PDE12: variants seen among roughly 807,000 people sequenced by gnomAD.
PDE12 encodes phosphodiesterase 12, also known as 2',5'-phosphodiesterase 12.
PDE12 carries 26 observed loss-of-function variants against 45.4 expected under a neutral mutation model. The ratio of observed to expected loss-of-function variants is 0.57; its 90% CI spans 0.42 to 0.79. The LOEUF is 0.79. PDE12 is among the 30% of genes least tolerant of loss of function. The probability of loss-of-function intolerance (pLI) is 0.00; values close to 1 mark genes in which losing one functional copy is unlikely to be tolerated. For synonymous variants in PDE12, 283 were observed against 323.9 expected (o/e 0.87, Z 1.36); for missense variants, 668 against 790.0 (o/e 0.85, Z 1.85).
chr3:57,622,722 A>G, the PDE12 span, among the ~76,000 whole-genome samples: 1 of 152,188 alleles, frequency 6.6e-6, no homozygotes, highest in African/African-American at 2.4e-5. Flanking sequence ...AATGTGTTAT[A>G]CCCATATAAC....
At chr3:57,588,594 C>T in the PDE12 span, among the ~76,000 whole-genome samples, 1 of 148,824 alleles carries the variant, frequency 6.7e-6, no homozygotes, top group Non-Finnish European at 1.5e-5. Flanking sequence ...TGGCTCACAC[C>T]TGTAATCCCA....
chr3:57,642,666 A>G, the PDE12 span, among the ~76,000 whole-genome samples: 1 of 152,116 alleles, frequency 6.6e-6, no homozygotes, highest in Non-Finnish European at 1.5e-5. Flanking sequence ...AAACTACCAG[A>G]TAACCAAGTG....
At position 57,559,560 on chromosome 3, in the gene PDE12, A is replaced by C. The variant is rs776397991; in HGVS notation, c.1388-2A>C. On this transcript the variant is annotated splice_acceptor_variant, in intron 2 of 2. Coordinates refer to ENST00000311180, the MANE Select transcript of PDE12 (RefSeq NM_177966.7). LOFTEE classifies it high-confidence loss of function. The stretch of plus-strand genomic sequence containing the variant: ...TTACATTAATGTTTTTTATATTCAT[A>C]GGTGGGTATATTCGCCTCATTCAAA... The C allele has an allele frequency of 1.3e-6, 2 of 1,595,368 alleles. No homozygotes were observed. Among genetic ancestry groups the C allele is most frequent in the Non-Finnish European group, 1.7e-6 (2 of 1,170,222 alleles).
In PDE12 at chr3:57,562,091, T is replaced by G. The variant is rs2069734400; in HGVS notation, c.*2087T>G. On this transcript the variant is annotated 3_prime_UTR_variant, in exon 3 of 3. Coordinates refer to ENST00000311180, the MANE Select transcript of PDE12 (RefSeq NM_177966.7). ...TTTAAAAATATGTTTTTGGGCTGTTTTCAAAGAAAGATGTTGATAGAACCC... is the reference window on the plus strand; with the variant it reads ...TTTAAAAATATGTTTTTGGGCTGTTGTCAAAGAAAGATGTTGATAGAACCC... 1 of 982,680 alleles carries G rather than the reference T, an allele frequency of 1.0e-6. No homozygotes were observed. Among genetic ancestry groups the G allele is most frequent in the Admixed American group, 6.2e-5 (1 of 16,238 alleles). 60.9% of individuals were successfully genotyped at this position (982,680 alleles called of 1,614,324 possible). A position where few individuals can be genotyped will look rare whatever the true frequency, so the allele number is the denominator to read the frequency against.
At chr3:57,557,764 TA>T (rs2069683162) in intron 1 of PDE12, 77 bp downstream of exon 1, 2 of 1,298,084 alleles carry the variant, frequency 1.5e-6, no homozygotes, top group Non-Finnish European at 2.2e-6. Context: ...AGGTGGGGGT[TA>T]AAAGTGCGAT....
the PDE12 span, among the ~76,000 whole-genome samples, chr3:57,620,090 C>T: frequency 1.2e-4 from 18 of 151,656 alleles, no homozygotes; most frequent in East Asian, 5.8e-4. Context: ...GGCGCAGTGG[C>T]GGGCGCCTGT....
At chr3:57,638,482 TC>T in the PDE12 span, among the ~76,000 whole-genome samples, 1 of 151,038 alleles carries the variant, frequency 6.6e-6, no homozygotes, top group South Asian at 2.1e-4. Flanking sequence ...ACATGGTGAA[TC>T]CCTGTCTCTA....
At chr3:57,622,198 C>G in the PDE12 span, among the ~76,000 whole-genome samples, 2 of 152,050 alleles carry the variant, frequency 1.3e-5, no homozygotes, top group East Asian at 3.9e-4. Flanking sequence ...AAACCAAAAC[C>G]AAAACAAACA....
At chr3:57,632,001 C>T in the PDE12 span, among the ~76,000 whole-genome samples, 1 of 139,582 alleles carries the variant, frequency 7.2e-6, no homozygotes, top group South Asian at 2.3e-4. Context: ...GGATTACAGG[C>T]GTGAGCCACC....
At chr3:57,641,640 G>C in the PDE12 span, 1 of 1,603,150 alleles carries the variant, frequency 6.2e-7, no homozygotes. Flanking sequence ...AGAACACCAA[G>C]TTTATACTTT....
Position 57,560,287 on chromosome 3 carries a change from A to T in PDE12, c.*283A>T. 8.5e-7 allele frequency: 1 copy of T among 1,174,910 alleles called. No homozygotes were observed. Among genetic ancestry groups the T allele is most frequent in the Non-Finnish European group, 1.1e-6 (1 of 949,330 alleles). 72.8% of individuals were successfully genotyped at this position (1,174,910 alleles called of 1,614,324 possible). A position where few individuals can be genotyped will look rare whatever the true frequency, so the allele number is the denominator to read the frequency against. ...CCAAATTGAGACTCTCAGAAAAGGA[A>T]GATTGAATTAGCGTGTTTTTTGTTT... is the stretch of plus-strand genomic sequence containing the variant. On this transcript the variant is annotated 3_prime_UTR_variant, in exon 3 of 3. Transcript: ENST00000311180.
At chr3:57,584,164 T>C in the PDE12 span, 2 of 698,890 alleles carry the variant, frequency 2.9e-6, no homozygotes, top group Non-Finnish European at 4.8e-6. Flanking sequence ...GGCCTCATTA[T>C]GTTATGCAGG....
At chr3:57,604,626 TGG>T in the PDE12 span, among the ~76,000 whole-genome samples, 3 of 32,020 alleles carry the variant, frequency 9.4e-5, no homozygotes, top group Admixed American at 6.6e-4. Flanking sequence ...TTGGGGGGGG[TGG>T]GTGGGACAGA....
At chr3:57,595,556 A>T in the PDE12 span, among the ~76,000 whole-genome samples, 2 of 152,236 alleles carry the variant, frequency 1.3e-5, no homozygotes, top group African/African-American at 2.4e-5. Flanking sequence ...CGCTAAGAGG[A>T]AAATAAACAT....
At chr3:57,592,999 G>A in the PDE12 span, among the ~76,000 whole-genome samples, 5 of 152,132 alleles carry the variant, frequency 3.3e-5, no homozygotes, top group African/African-American at 1.2e-4. Context: ...GAGCCCAGGA[G>A]TTTGAGATCA....
the PDE12 span, among the ~76,000 whole-genome samples, chr3:57,650,959 T>A: frequency 6.6e-6 from 1 of 152,112 alleles, no homozygotes; most frequent in African/African-American, 2.4e-5. Flanking sequence ...TAGTTTTGTA[T>A]TTTTAGTAGA....
At chr3:57,601,643 A>G in the PDE12 span, among the ~76,000 whole-genome samples, 1 of 152,074 alleles carries the variant, frequency 6.6e-6, no homozygotes, top group Non-Finnish European at 1.5e-5. Flanking sequence ...CAATCTCCCC[A>G]AATACCCAGG....
the PDE12 span, chr3:57,600,968 A>T: frequency 6.6e-6 from 1 of 152,212 alleles, no homozygotes; most frequent in Non-Finnish European, 1.5e-5. Context: ...GAGCCCTACA[A>T]GAAAAATTGC....
chr3:57,583,073 C>T, the PDE12 span, among the ~76,000 whole-genome samples: 2 of 152,156 alleles, frequency 1.3e-5, no homozygotes, highest in Non-Finnish European at 2.9e-5. Context: ...GAGCCCTCCC[C>T]ATACCCAACA....
Sources: allele counts gnomAD v4.1 joint callset (sites outside exome capture counted in the v4.1 genomes callset), GRCh38; gene constraint gnomAD v4.1.1; transcripts MANE v1.5; gene names NCBI Gene and HGNC (gene_info 2026-07-23, HGNC 2026-07-21).